Variants in RALB observed in about 807,000 individuals in gnomAD.
RALB encodes the protein RAS like proto-oncogene B, also known as ras-related protein Ral-B.
RALB carries 16 observed loss-of-function variants against 21.3 expected under a neutral mutation model. That is an observed-to-expected ratio of 0.75 (90% CI 0.51 to 1.14). The LOEUF (loss-of-function observed/expected upper bound fraction) is 1.14, where lower values mean the gene tolerates loss of function less well. RALB is among the 50% of genes most tolerant of loss of function. The pLI is 0.00. For missense variants in RALB, 161 were observed against 256.2 expected (o/e 0.63, Z 2.54); for synonymous variants, 93 against 96.1 (o/e 0.97, Z 0.19).
intron 1 of RALB, among the ~76,000 whole-genome samples, chr2:120,277,946 A>C (rs1689875998): frequency 1.4e-5 from 1 of 69,774 alleles, no homozygotes; most frequent in African/African-American, 7.1e-5. Flanking sequence ...AGCGAGTGTG[A>C]ATGTGTGAAT....
At chr2:120,268,750 A>G (rs72843007) in intron 1 of RALB, among the ~76,000 whole-genome samples, 527 of 152,352 alleles carry the variant, frequency 3.5e-3, no homozygotes, top group Middle Eastern at 6.8e-3. Context: ...AATAAGGAGT[A>G]TGTGTTTAAA....
At chr2:120,261,609 G>C (rs1045649751) in intron 1 of RALB, among the ~76,000 whole-genome samples, 9 of 152,192 alleles carry the variant, frequency 5.9e-5, no homozygotes, top group Non-Finnish European at 1.0e-4. Flanking sequence ...CTGCTTTCTT[G>C]AGTTTCTTTC....
At chr2:120,270,264 C>G (rs1008342657) in intron 1 of RALB, among the ~76,000 whole-genome samples, 1 of 152,008 alleles carries the variant, frequency 6.6e-6, no homozygotes, top group South Asian at 2.1e-4. Context: ...TATTTTGATT[C>G]CCTGCATTTT....
chr2:120,286,898 T>A (rs1254213965), intron 3 of RALB, among the ~76,000 whole-genome samples: 1 of 152,220 alleles, frequency 6.6e-6, no homozygotes, highest in African/African-American at 2.4e-5. Context: ...AAAAATACCT[T>A]CAGTTCATTT....
intron 1 of RALB, among the ~76,000 whole-genome samples, chr2:120,265,717 C>T (rs1427567141): frequency 6.6e-6 from 1 of 152,196 alleles, no homozygotes; most frequent in African/African-American, 2.4e-5. Context: ...AGTTAAGTGA[C>T]CCTGGACAAA....
intron 2 of RALB, among the ~76,000 whole-genome samples, chr2:120,284,542 G>A (rs990180048): frequency 6.6e-6 from 1 of 152,138 alleles, no homozygotes; most frequent in African/African-American, 2.4e-5. Flanking sequence ...GGGATTACAG[G>A]TGTGCACCAC....
At chr2:120,248,234 C>G (rs1002702995), upstream of RALB, among the ~76,000 whole-genome samples, 4 of 152,122 alleles carry the variant, frequency 2.6e-5, no homozygotes, top group Non-Finnish European at 5.9e-5. Flanking sequence ...TCAAATGCCC[C>G]CAGGGATGCC....
intron 1 of RALB, among the ~76,000 whole-genome samples, chr2:120,275,742 T>C (rs938314635): frequency 6.6e-6 from 1 of 152,182 alleles, no homozygotes; most frequent in Non-Finnish European, 1.5e-5. Flanking sequence ...GAATGAACAC[T>C]CTCGTAAAGT....
chr2:120,277,542 G>A (rs1689839870), intron 1 of RALB, among the ~76,000 whole-genome samples: 8 of 152,062 alleles, frequency 5.3e-5, no homozygotes, highest in Admixed American at 5.2e-4. Context: ...GTAGTTGTGT[G>A]TGTGTGTGAA....
At position 120,278,702 on chromosome 2, in the gene RALB, C is replaced by T; in HGVS notation, c.38C>T (p.Ala13Val). The change falls in exon 2 of 5, where the codon GCC becomes GTC. Residue 13 changes from alanine (A) to valine (V), a missense_variant. Physicochemically the swap from Ala to Val is moderately conservative, Grantham distance 64. Transcript: ENST00000272519. ...AAGAGTAAGGGCCAGAGCTCCTTGG[C>T]CCTCCACAAGGTGATCATGGTTGGC... ...ANKSKGQSSLALHKVIMVGSG... is the reference protein window; with the variant it reads ...ANKSKGQSSLVLHKVIMVGSG... 1 of 1,599,092 alleles carries T rather than the reference C, an allele frequency of 6.3e-7. No individual in the cohort carries two copies. The highest frequency in any genetic ancestry group is 1.3e-5 in the African/African-American group (1 of 74,486).
At chr2:120,252,597 T>G (rs115044970), upstream of RALB, among the ~76,000 whole-genome samples, 530 of 152,278 alleles carry the variant, frequency 3.5e-3, 6 homozygotes, top group African/African-American at 0.012. Flanking sequence ...GGTTACCAGC[T>G]GCGTGTCCGA....
chr2:120,292,977 C>G (rs1690342599), intron 4 of RALB, among the ~76,000 whole-genome samples, 164 bp from the exon 5 acceptor site: 1 of 152,226 alleles, frequency 6.6e-6, no homozygotes, highest in African/African-American at 2.4e-5. Context: ...TTATAAAAAT[C>G]AGTTTGACTT....
At chr2:120,243,435 C>T (rs765973492) in intron 1 of RALB, among the ~76,000 whole-genome samples, 105 of 152,238 alleles carry the variant, frequency 6.9e-4, no homozygotes, top group Non-Finnish European at 1.4e-3. Flanking sequence ...CCACTGGAGC[C>T]ATGGGGAGGA....
At chr2:120,280,883 C>A in intron 2 of RALB, 1 of 440,542 alleles carries the variant, frequency 2.3e-6, no homozygotes, top group Admixed American at 2.6e-5. Flanking sequence ...ATACAGCAAA[C>A]AAAAAAGTAG....
At chr2:120,246,620 C>T (rs529338720) in intron 1 of RALB, among the ~76,000 whole-genome samples, 1 of 152,364 alleles carries the variant, frequency 6.6e-6, no homozygotes, top group Non-Finnish European at 1.5e-5. Flanking sequence ...GCGTCATGTG[C>T]ATCTGCAGAT....
At chr2:120,267,728 A>G (rs1689538266) in intron 1 of RALB, among the ~76,000 whole-genome samples, 1 of 152,200 alleles carries the variant, frequency 6.6e-6, no homozygotes, top group African/African-American at 2.4e-5. Context: ...TTTTTAAGCG[A>G]TGCCAAAAAT....
At chr2:120,245,302 G>A (rs879421809) in intron 1 of RALB, among the ~76,000 whole-genome samples, 5 of 152,232 alleles carry the variant, frequency 3.3e-5, no homozygotes, top group Non-Finnish European at 7.3e-5. Context: ...CCTCTCACCA[G>A]CTGCGTGATT....
chr2:120,274,064 C>T (rs1386299018), intron 1 of RALB, among the ~76,000 whole-genome samples: 2 of 152,190 alleles, frequency 1.3e-5, no homozygotes, highest in Admixed American at 6.5e-5. Context: ...GGATCCCCCC[C>T]AACCTGGAAA....
chr2:120,276,621 A>G (rs1234276845), intron 1 of RALB, among the ~76,000 whole-genome samples: 1 of 152,000 alleles, frequency 6.6e-6, no homozygotes, highest in Non-Finnish European at 1.5e-5. Context: ...GAAAAAAAAA[A>G]AAGGAGGAAG....
Sources: gnomAD v4.1 joint callset for allele counts (sites outside exome capture counted in the v4.1 genomes callset) on GRCh38, gnomAD v4.1.1 for gene constraint, MANE v1.5 for transcripts, NCBI Gene and HGNC (gene_info 2026-07-23, HGNC 2026-07-21) for gene names.